CREB5: variants seen among roughly 807,000 people sequenced by gnomAD.
CREB5 encodes cyclic AMP-responsive element-binding protein 5.
CREB5 carries 19 observed loss-of-function variants against 57.1 expected under a neutral mutation model. The observed-to-expected ratio is 0.33, with a 90% CI of 0.23 to 0.49. The LOEUF (loss-of-function observed/expected upper bound fraction) is 0.49. Ranked by LOEUF, CREB5 falls within the 20% of genes least tolerant of loss-of-function variation. The pLI is 0.99. For missense variants in CREB5, 579 were observed against 671.6 expected, an observed-to-expected ratio of 0.86 and a Z score of 1.52; for synonymous variants, 238 against 238.3, an observed-to-expected ratio of 1.00 and a Z score of 0.01.
At chr7:28,376,842 G>A (rs1451749229) in intron 1 of CREB5, among the ~76,000 whole-genome samples, 2 of 152,196 alleles carry the variant, frequency 1.3e-5, no homozygotes, top group Non-Finnish European at 2.9e-5. Context: ...CTCTGTTGCT[G>A]AGACCTGCCA....
intron 4 of CREB5, among the ~76,000 whole-genome samples, chr7:28,531,302 G>A (rs1307557362): frequency 1.3e-5 from 2 of 152,124 alleles, no homozygotes; most frequent in Admixed American, 6.5e-5. Flanking sequence ...CAAGGTGTTG[G>A]CAAGGCTGAT....
intron 1 of CREB5, among the ~76,000 whole-genome samples, chr7:28,366,625 CAA>C (rs1020185611): frequency 6.6e-6 from 1 of 152,072 alleles, no homozygotes; most frequent in Admixed American, 6.5e-5. Flanking sequence ...TAATTTATCA[CAA>C]AAAAAGTTTT....
At chr7:28,816,962 C>G (rs1424842513) in intron 9 of CREB5, among the ~76,000 whole-genome samples, 1 of 152,176 alleles carries the variant, frequency 6.6e-6, no homozygotes, top group Non-Finnish European at 1.5e-5. Context: ...GTGGAAGCAT[C>G]TCGGAGCTAC....
intron 7 of CREB5, among the ~76,000 whole-genome samples, chr7:28,771,568 C>T (rs1011916552): frequency 1.3e-5 from 2 of 152,098 alleles, no homozygotes; most frequent in African/African-American, 4.8e-5. Context: ...GCTCCCGGTA[C>T]GTGTGAGGAG....
At chr7:28,488,981 C>T (rs988437782) in intron 2 of CREB5, among the ~76,000 whole-genome samples, 13 of 152,204 alleles carry the variant, frequency 8.5e-5, no homozygotes, top group African/African-American at 3.1e-4. Flanking sequence ...TAGAAACATT[C>T]ATCACCTAAA....
At chr7:28,591,384 C>G (rs1231448329) in intron 5 of CREB5, among the ~76,000 whole-genome samples, 1 of 152,156 alleles carries the variant, frequency 6.6e-6, no homozygotes, top group Non-Finnish European at 1.5e-5. Flanking sequence ...TTTTTTTCCC[C>G]CTCTGTCCTT....
intron 7 of CREB5, among the ~76,000 whole-genome samples, chr7:28,748,585 T>C (rs1471614266): frequency 2.0e-5 from 3 of 152,204 alleles, no homozygotes; most frequent in African/African-American, 7.2e-5. Flanking sequence ...CAGGGCAGGC[T>C]TTGTGGAGGT....
At chr7:28,485,709 G>A (rs1468487062) in intron 1 of CREB5, among the ~76,000 whole-genome samples, 3 of 152,254 alleles carry the variant, frequency 2.0e-5, no homozygotes, top group Admixed American at 2.0e-4. Context: ...CAGAGACAGA[G>A]AAGTTCCAGG....
intron 1 of CREB5, among the ~76,000 whole-genome samples, chr7:28,334,230 A>G (rs1233760523): frequency 6.6e-6 from 1 of 151,962 alleles, no homozygotes; most frequent in East Asian, 1.9e-4. Flanking sequence ...ATCTTGGCTC[A>G]CTGCAACCTC....
At chr7:28,770,416 T>C (rs1356254913) in intron 7 of CREB5, among the ~76,000 whole-genome samples, 1 of 151,946 alleles carries the variant, frequency 6.6e-6, no homozygotes, top group Non-Finnish European at 1.5e-5. Context: ...CTTATAATTC[T>C]ACCAAGGAAC....
At chr7:28,479,679 T>G (rs2128588681) in intron 1 of CREB5, among the ~76,000 whole-genome samples, 1 of 152,336 alleles carries the variant, frequency 6.6e-6, no homozygotes, top group South Asian at 2.1e-4. Flanking sequence ...CTGGCTACTT[T>G]AGAATACAAC....
At chr7:28,790,947 C>A (rs1807671109) in intron 7 of CREB5, among the ~76,000 whole-genome samples, 1 of 152,198 alleles carries the variant, frequency 6.6e-6, no homozygotes, top group South Asian at 2.1e-4. Context: ...CTCTGGTTAA[C>A]CACTTATGGT....
rs570861982 is a variant in CREB5, at chr7:28,793,053, T to C, written c.703-11146T>C. On this transcript the variant is annotated intron_variant, in intron 7 of 10. Coordinates refer to ENST00000357727, the MANE Select transcript of CREB5 (RefSeq NM_182898.4). ...AAGCCAAAGGAAGTAAGGCAGGTGC[T>C]TAAGAATCAGAGAGTATTGCAATCC... Among the ~76,000 whole-genome samples the C allele has an allele frequency of 2.6e-5, 4 of 152,268 alleles. No individual in the cohort carries two copies. The East Asian group carries it at 7.7e-4, about 29-fold the overall frequency.
At chr7:28,301,605 G>T (rs1785099182) in intron 1 of CREB5, among the ~76,000 whole-genome samples, 1 of 152,180 alleles carries the variant, frequency 6.6e-6, no homozygotes, top group African/African-American at 2.4e-5. Context: ...GATCCTTATT[G>T]TCTAAAGGGA....
At chr7:28,472,152 C>CAA (rs751915630) in intron 1 of CREB5, among the ~76,000 whole-genome samples, 2 of 63,102 alleles carry the variant, frequency 3.2e-5, no homozygotes, top group African/African-American at 4.9e-5. Context: ...ATAGTCAAAG[C>CAA]AAAAAAAAAA....
intron 2 of CREB5, among the ~76,000 whole-genome samples, chr7:28,494,688 G>A (rs985925432): frequency 4.0e-5 from 6 of 151,844 alleles, no homozygotes; most frequent in African/African-American, 7.3e-5. Flanking sequence ...ATATTTGGGT[G>A]TAATTTAAAG....
At chr7:28,685,141 C>A (rs986532661) in intron 5 of CREB5, among the ~76,000 whole-genome samples, 3 of 152,194 alleles carry the variant, frequency 2.0e-5, no homozygotes, top group African/African-American at 2.4e-5. Flanking sequence ...ACCAGCACCC[C>A]CTCCAGCGAG....
chr7:28,462,658 T>A (rs540324582), intron 1 of CREB5, among the ~76,000 whole-genome samples: 6 of 152,346 alleles, frequency 3.9e-5, no homozygotes, highest in Non-Finnish European at 8.8e-5. Context: ...CTTTCCCTAG[T>A]GACTACTGAT....
intron 5 of CREB5, among the ~76,000 whole-genome samples, chr7:28,591,184 G>A (rs193075242): frequency 2.1e-4 from 32 of 152,306 alleles, no homozygotes; most frequent in African/African-American, 6.5e-4. Flanking sequence ...CAAGGGAAGA[G>A]CAATGGCCAA....
Sources: allele counts gnomAD v4.1 joint callset (sites outside exome capture counted in the v4.1 genomes callset), GRCh38; gene constraint gnomAD v4.1.1; transcripts MANE v1.5; gene names NCBI Gene and HGNC (gene_info 2026-07-23, HGNC 2026-07-21).